USP10: variants seen among roughly 807,000 people sequenced by gnomAD.
USP10 encodes ubiquitin specific peptidase 10, also known as ubiquitin carboxyl-terminal hydrolase 10.
Under a neutral mutation model 84.5 loss-of-function variants are expected in USP10, and 22 were observed. That is an observed-to-expected ratio of 0.26 (90% confidence interval 0.19 to 0.37). The LOEUF (loss-of-function observed/expected upper bound fraction) is 0.37. USP10 is among the 10% of genes least tolerant of loss of function. The probability of loss-of-function intolerance (pLI) is 1.00; values close to 1 mark genes in which losing one functional copy is unlikely to be tolerated. For synonymous variants in USP10, 454 were observed against 387.6 expected (o/e 1.17, Z -2.01); for missense variants, 1,019 against 998.9 (o/e 1.02, Z -0.27).
intron 1 of USP10, among the ~76,000 whole-genome samples, chr16:84,725,705 G>C (rs186461324): frequency 7.9e-5 from 12 of 152,238 alleles, no homozygotes; most frequent in East Asian, 5.8e-4. Flanking sequence ...TGCCCGGCCT[G>C]TCTGACGACA....
intron 5 of USP10, 167 bp from the exon 6 acceptor site, chr16:84,759,196 T>C: frequency 1.5e-6 from 1 of 664,276 alleles, no homozygotes; most frequent in South Asian, 1.8e-5. Context: ...CACAGGACAC[T>C]TACCCTAGTA....
At chr16:84,770,769 C>T (rs62050887) in intron 11 of USP10, among the ~76,000 whole-genome samples, 1 of 12,426 alleles carries the variant, frequency 8.0e-5, no homozygotes, top group South Asian at 2.0e-3. Flanking sequence ...GAGACTCCGT[C>T]CCCAAAAAAA....
intron 1 of USP10, among the ~76,000 whole-genome samples, chr16:84,718,521 G>T (rs1270562039): frequency 6.6e-6 from 1 of 152,142 alleles, no homozygotes; most frequent in Non-Finnish European, 1.5e-5. Flanking sequence ...CACTTTGGGA[G>T]GCCAAGGCGG....
At chr16:84,709,126 G>A (rs1326493847) in intron 1 of USP10, 1 of 152,244 alleles carries the variant, frequency 6.6e-6, no homozygotes, top group Non-Finnish European at 1.5e-5. Flanking sequence ...GCGAAAACAG[G>A]CATTGTTTCT....
At chr16:84,727,559 A>G (rs918709935) in intron 1 of USP10, among the ~76,000 whole-genome samples, 1 of 152,238 alleles carries the variant, frequency 6.6e-6, no homozygotes, top group African/African-American at 2.4e-5. Flanking sequence ...AAGAATCCCC[A>G]GATGGTCCTT....
chr16:84,720,893 A>ATTT (rs1192679893), intron 1 of USP10, among the ~76,000 whole-genome samples: 1 of 99,022 alleles, frequency 1.0e-5, no homozygotes, highest in Non-Finnish European at 2.1e-5. Context: ...ATGATGCACA[A>ATTT]TTTTTTTTTT....
intron 1 of USP10, chr16:84,733,161 A>T: frequency 1.9e-6 from 1 of 520,728 alleles, no homozygotes; most frequent in Admixed American, 2.3e-5. Context: ...TGCAAGCAGG[A>T]CTCGACAAGT....
At position 84,768,340 on chromosome 16, in the gene USP10, C is replaced by G. The variant is rs2150864992; in HGVS notation, c.1980C>G (p.Thr660=). Residue 660 remains threonine (T), a synonymous_variant, in exon 11 of 14, where the codon ACC becomes ACG. Transcript: ENST00000219473. ...CAAGAGAATCTGTCCAAGGTTATAC[C>G]ACAAAAACCAAACAAGAGGTATGTT... ...LVARESVQGY[T]TKTKQEVEIS... is the part of the protein sequence containing the mutation. 1.2e-6 allele frequency: 2 copies of G among 1,603,710 alleles called. No homozygotes were observed. Among genetic ancestry groups the G allele is most frequent in the African/African-American group, 2.7e-5 (2 of 74,832 alleles).
Position 84,762,997 on chromosome 16 carries a change from A to G in USP10, c.1563A>G (p.Gln521=), listed in dbSNP as rs12932018. The change falls in exon 9 of 14, where the codon CAA becomes CAG. Residue 521 remains glutamine (Q), a synonymous_variant. Transcript: ENST00000219473. The part of the protein sequence containing the change: ...NKSSLSEKGR[Q]EDAEEYLGFI... ...ATATTTGACCTTTTCAGGGTCGACAAGAAGATGCTGAGGAATACTTAGGCT... is the reference window on the plus strand; with the variant it reads ...ATATTTGACCTTTTCAGGGTCGACAGGAAGATGCTGAGGAATACTTAGGCT... 0.26 allele frequency: 423,634 copies of G among 1,602,796 alleles called. 59,494 individuals are homozygous for G. Among genetic ancestry groups the G allele is most frequent in the Admixed American group, 0.43 (25,593 of 59,460 alleles).
chr16:84,768,369 A>C lies in USP10; in HGVS notation c.1998+11A>C. ...AAAACCAAACAAGAGGTATGTTCAC[A>C]CTTGATTTTGAACCTTTCTACTAAG... is the stretch of plus-strand genomic sequence containing the variant. On this transcript the variant is annotated intron_variant, in intron 11 of 13. Transcript: ENST00000219473. The C allele has an allele frequency of 1.3e-6, 2 of 1,568,266 alleles. No homozygotes were observed. Among genetic ancestry groups the C allele is most frequent in the Non-Finnish European group, 1.7e-6 (2 of 1,152,680 alleles).
intron 1 of USP10, among the ~76,000 whole-genome samples, chr16:84,720,976 C>T (rs1907728104): frequency 6.6e-6 from 1 of 151,044 alleles, no homozygotes; most frequent in African/African-American, 2.4e-5. Context: ...TCACGGCAAC[C>T]TCCGCCTGCC....
chr16:84,717,815 A>G (rs1034079018), intron 1 of USP10, among the ~76,000 whole-genome samples: 4 of 152,228 alleles, frequency 2.6e-5, no homozygotes, highest in African/African-American at 9.6e-5. Context: ...CCTCAGGTGT[A>G]TGTGATTTCA....
At chr16:84,732,872 G>T (rs556347153) in intron 1 of USP10, among the ~76,000 whole-genome samples, 41 of 152,278 alleles carry the variant, frequency 2.7e-4, no homozygotes, top group African/African-American at 9.9e-4. Flanking sequence ...GTGAAATCAG[G>T]CTTGCAACAA....
At chr16:84,743,238 G>A (rs1910829797) in intron 3 of USP10, among the ~76,000 whole-genome samples, 1 of 152,316 alleles carries the variant, frequency 6.6e-6, no homozygotes, top group South Asian at 2.1e-4. Context: ...TAAACTTGCT[G>A]TTAGGTGTAA....
At chr16:84,750,849 C>T (rs1441897533) in intron 4 of USP10, among the ~76,000 whole-genome samples, 2 of 152,146 alleles carry the variant, frequency 1.3e-5, no homozygotes, top group Non-Finnish European at 1.5e-5. Context: ...GAAAACATTG[C>T]GTTGAGGTAT....
intron 4 of USP10, among the ~76,000 whole-genome samples, chr16:84,750,404 CAAAA>C (rs71151245): frequency 9.4e-6 from 1 of 106,288 alleles, no homozygotes; most frequent in African/African-American, 3.6e-5. Context: ...GAGACTGTCT[CAAAA>C]AAAAAAAAAA....
intron 4 of USP10, among the ~76,000 whole-genome samples, chr16:84,752,446 C>G (rs1912041322): frequency 6.6e-6 from 1 of 152,198 alleles, no homozygotes; most frequent in Admixed American, 6.5e-5. Context: ...GTTGCCTGCC[C>G]TCTATCCTTG....
At chr16:84,726,808 T>C (rs981374140) in intron 1 of USP10, among the ~76,000 whole-genome samples, 1 of 152,224 alleles carries the variant, frequency 6.6e-6, no homozygotes, top group Non-Finnish European at 1.5e-5. Context: ...GCCCTTGTAC[T>C]TTGCTCCCCC....
At chr16:84,770,488 G>A (rs559541933) in intron 11 of USP10, among the ~76,000 whole-genome samples, 4 of 152,156 alleles carry the variant, frequency 2.6e-5, no homozygotes, top group Non-Finnish European at 5.9e-5. Flanking sequence ...TTAAGCCTCA[G>A]TTGGCTGGGC....
Sources: gnomAD v4.1 joint callset for allele counts (sites outside exome capture counted in the v4.1 genomes callset) on GRCh38, gnomAD v4.1.1 for gene constraint, MANE v1.5 for transcripts, NCBI Gene and HGNC (gene_info 2026-07-23, HGNC 2026-07-21) for gene names.